PLPPR1: variants seen among roughly 807,000 people sequenced by gnomAD.
PLPPR1 encodes phospholipid phosphatase-related protein type 1.
A neutral mutation model predicts 33.1 loss-of-function variants in PLPPR1; 10 were observed. The ratio of observed to expected loss-of-function variants is 0.30; its 90% confidence interval spans 0.19 to 0.51. The LOEUF is 0.51. Ranked by LOEUF, PLPPR1 falls within the 20% of genes least tolerant of loss-of-function variation. The pLI is 0.97. For synonymous variants in PLPPR1, 151 were observed against 151.0 expected (o/e 1.00, Z 0.00); for missense variants, 304 against 408.1 (o/e 0.74, Z 2.20).
chr9:101,228,545 G>A (rs1402367685), intron 2 of PLPPR1, among the ~76,000 whole-genome samples: 1 of 152,048 alleles, frequency 6.6e-6, no homozygotes, highest in Non-Finnish European at 1.5e-5. Context: ...AAACAGACAA[G>A]AAGGAATTAA....
chr9:101,222,541 T>C (rs1255889419), intron 2 of PLPPR1, among the ~76,000 whole-genome samples: 1 of 152,138 alleles, frequency 6.6e-6, no homozygotes, highest in African/African-American at 2.4e-5. Context: ...TTTCTAATAT[T>C]TGAGTTCTAT....
rs575886484 is a variant in PLPPR1, at chr9:101,265,314, C to G, written c.64-4566C>G. On this transcript the variant is annotated intron_variant, in intron 2 of 7. Transcript: ENST00000374874. Reference sequence around the variant, plus strand: ...TGGAAAGCAACAGCTGAGGAAAGTCCCTGGTACATGAGCTCCTTACACCTT... The same window carrying G: ...TGGAAAGCAACAGCTGAGGAAAGTCGCTGGTACATGAGCTCCTTACACCTT... Among the ~76,000 whole-genome samples the G allele has an allele frequency of 5.9e-5, 9 of 152,240 alleles. No homozygotes were observed. The South Asian group carries it at 1.9e-3, about 32-fold the overall frequency.
intron 1 of PLPPR1, among the ~76,000 whole-genome samples, chr9:101,171,100 T>C (rs1825935889): frequency 6.6e-6 from 1 of 152,212 alleles, no homozygotes; most frequent in South Asian, 2.1e-4. Flanking sequence ...GCACAGAACT[T>C]AATTGTGAAC....
intron 4 of PLPPR1, among the ~76,000 whole-genome samples, chr9:101,288,165 G>C (rs1460632350): frequency 6.6e-6 from 1 of 152,100 alleles, no homozygotes; most frequent in East Asian, 1.9e-4. Context: ...TGTTTATTGA[G>C]GGATGCCAGA....
intron 2 of PLPPR1, among the ~76,000 whole-genome samples, chr9:101,261,588 A>T (rs1827899887): frequency 6.6e-6 from 1 of 152,210 alleles, no homozygotes; most frequent in Non-Finnish European, 1.5e-5. Flanking sequence ...TCTGTCATGG[A>T]ATCAACCTAA....
At chr9:101,113,639 CA>C (rs1242638610) in intron 1 of PLPPR1, among the ~76,000 whole-genome samples, 4 of 151,392 alleles carry the variant, frequency 2.6e-5, no homozygotes, top group Admixed American at 6.6e-5. Flanking sequence ...AACAAAAAAA[CA>C]AAAAACAAAA....
intron 1 of PLPPR1, among the ~76,000 whole-genome samples, chr9:101,093,673 T>G (rs1830778404): frequency 6.6e-6 from 1 of 152,202 alleles, no homozygotes; most frequent in Non-Finnish European, 1.5e-5. Context: ...AGTGCATCAC[T>G]ACTACATAGC....
chr9:101,110,081 A>C (rs1468331618), intron 1 of PLPPR1, among the ~76,000 whole-genome samples: 2 of 152,236 alleles, frequency 1.3e-5, no homozygotes, highest in Non-Finnish European at 2.9e-5. Context: ...CTTCAAAAGC[A>C]ATATAATATG....
At chr9:101,272,897 C>T (rs187140759) in intron 3 of PLPPR1, among the ~76,000 whole-genome samples, 10 of 152,194 alleles carry the variant, frequency 6.6e-5, no homozygotes, top group Admixed American at 4.6e-4. Flanking sequence ...AAACTTCAGA[C>T]CCAGTCATTA....
chr9:101,200,506 G>A (rs1483747344), intron 2 of PLPPR1, among the ~76,000 whole-genome samples: 4 of 152,202 alleles, frequency 2.6e-5, no homozygotes, highest in Non-Finnish European at 5.9e-5. Flanking sequence ...TAGGTGATAC[G>A]ATTTGAAGGA....
chr9:101,274,317 A>G (rs1300572966), intron 3 of PLPPR1, among the ~76,000 whole-genome samples: 1 of 152,146 alleles, frequency 6.6e-6, no homozygotes, highest in East Asian at 1.9e-4. Context: ...GTGTGGTCCA[A>G]TTTCTTTCAT....
intron 7 of PLPPR1, among the ~76,000 whole-genome samples, chr9:101,322,198 CAAAAAAAAAAAAAAAA>C (rs57344415): frequency 2.5e-4 from 7 of 27,668 alleles, no homozygotes; most frequent in African/African-American, 4.5e-4. Flanking sequence ...GACTTCATCT[CAAAAAAAAAAAAAAAA>C]AAAAAAAAAA....
chr9:101,251,058 A>G (rs1331554758), intron 2 of PLPPR1, among the ~76,000 whole-genome samples: 1 of 152,012 alleles, frequency 6.6e-6, no homozygotes, highest in African/African-American at 2.4e-5. Flanking sequence ...ACTTTCTTCA[A>G]TTCATATTCA....
intron 1 of PLPPR1, among the ~76,000 whole-genome samples, chr9:101,047,593 T>C (rs1367071042): frequency 6.6e-6 from 1 of 152,184 alleles, no homozygotes; most frequent in East Asian, 1.9e-4. Flanking sequence ...AACCTTACAA[T>C]GGTATCATTT....
chr9:101,252,050 A>C (rs1296968121), intron 2 of PLPPR1, among the ~76,000 whole-genome samples: 1 of 152,154 alleles, frequency 6.6e-6, no homozygotes, highest in Admixed American at 6.6e-5. Flanking sequence ...TATTCTATAG[A>C]AAAGGTTTAA....
intron 1 of PLPPR1, among the ~76,000 whole-genome samples, chr9:101,069,519 G>C (rs959312463): frequency 6.6e-6 from 1 of 151,966 alleles, no homozygotes; most frequent in African/African-American, 2.4e-5. Context: ...AAGGCATCTT[G>C]GACACTCCAC....
chr9:101,052,010 A>G (rs1373245290), intron 1 of PLPPR1, among the ~76,000 whole-genome samples: 1 of 152,220 alleles, frequency 6.6e-6, no homozygotes, highest in Non-Finnish European at 1.5e-5. Context: ...GACTGCCTGA[A>G]TTCAAATATC....
intron 1 of PLPPR1, among the ~76,000 whole-genome samples, chr9:101,137,417 A>T (rs1831389935): frequency 6.6e-6 from 1 of 152,200 alleles, no homozygotes; most frequent in South Asian, 2.1e-4. Context: ...GAATCGATGG[A>T]AGAAGGAAAG....
chr9:101,275,106 G>A (rs1400029794), intron 3 of PLPPR1, among the ~76,000 whole-genome samples: 1 of 152,158 alleles, frequency 6.6e-6, no homozygotes, highest in Non-Finnish European at 1.5e-5. Context: ...ACCATTTCCT[G>A]TTCTCTATGG....
Sources: gnomAD v4.1 joint callset for allele counts (sites outside exome capture counted in the v4.1 genomes callset) on GRCh38, gnomAD v4.1.1 for gene constraint, MANE v1.5 for transcripts, NCBI Gene and HGNC (gene_info 2026-07-23, HGNC 2026-07-21) for gene names.